Variants in LDB2 observed in about 807,000 individuals in gnomAD.
The protein encoded by LDB2 is LIM domain binding 2, also known as LIM domain-binding protein 2.
LDB2 carries 12 observed loss-of-function variants against 44.3 expected under a neutral mutation model. That is an observed-to-expected ratio of 0.27 (90% CI 0.17 to 0.44). LDB2 has a LOEUF of 0.44. Among genes scored for constraint, LDB2 ranks in the 20% least tolerant of loss-of-function variants. The pLI is 1.00. For synonymous variants in LDB2, 164 were observed against 174.8 expected, an observed-to-expected ratio of 0.94 and a Z score of 0.49; for missense variants, 344 against 473.5, an observed-to-expected ratio of 0.73 and a Z score of 2.54.
intron 1 of LDB2, among the ~76,000 whole-genome samples, chr4:16,793,106 T>C (rs1353249601): frequency 6.6e-6 from 1 of 152,212 alleles, no homozygotes; most frequent in Non-Finnish European, 1.5e-5. Context: ...ACGTTTGATT[T>C]TCCAAATCAG....
intron 2 of LDB2, among the ~76,000 whole-genome samples, chr4:16,628,964 G>A (rs1264395130): frequency 6.6e-6 from 1 of 152,220 alleles, no homozygotes; most frequent in Non-Finnish European, 1.5e-5. Context: ...CCTGTGCCTG[G>A]CTCAGTGGGT....
chr4:16,800,966 C>T (rs576408691), intron 1 of LDB2, among the ~76,000 whole-genome samples: 3 of 152,238 alleles, frequency 2.0e-5, no homozygotes, highest in Non-Finnish European at 2.9e-5. Context: ...TGAGCCACCG[C>T]GCCCGGCCGG....
chr4:16,677,681 A>T (rs1746673453), intron 2 of LDB2, among the ~76,000 whole-genome samples: 1 of 152,220 alleles, frequency 6.6e-6, no homozygotes, highest in African/African-American at 2.4e-5. Context: ...GTTCCATGTA[A>T]TTAAGGCACT....
intron 2 of LDB2, among the ~76,000 whole-genome samples, chr4:16,662,792 GGCCTCCCAA>G (rs1430140878): frequency 1.3e-5 from 2 of 151,570 alleles, no homozygotes; most frequent in Non-Finnish European, 2.9e-5. Context: ...ATGATTGTGA[GGCCTCCCAA>G]GCCATGTGGA....
intron 1 of LDB2, among the ~76,000 whole-genome samples, chr4:16,827,037 A>G (rs1458796985): frequency 1.3e-5 from 2 of 152,190 alleles, no homozygotes; most frequent in Non-Finnish European, 2.9e-5. Flanking sequence ...CTGAAGTCTG[A>G]AGAAAGTGCA....
intron 2 of LDB2, among the ~76,000 whole-genome samples, chr4:16,727,972 C>A (rs1203474288): frequency 6.6e-6 from 1 of 152,140 alleles, no homozygotes; most frequent in African/African-American, 2.4e-5. Flanking sequence ...ATGGGAGCAG[C>A]CATTTAAAAA....
Position 16,691,023 on chromosome 4 carries a change from C to T in LDB2, c.235+68135G>A, listed in dbSNP as rs572978853. On this transcript the variant is annotated intron_variant, in intron 2 of 7. Transcript: ENST00000304523. ...TATTAATCATCTATTATAGTCCAGGCAATTTATGTTCTTTAATGATATCTA... is the reference window on the plus strand; with the variant it reads ...TATTAATCATCTATTATAGTCCAGGTAATTTATGTTCTTTAATGATATCTA... Among the ~76,000 whole-genome samples, 4 of 152,178 alleles carry T rather than the reference C, an allele frequency of 2.6e-5. No individual in the cohort carries two copies. The East Asian group carries it at 7.7e-4, about 29-fold the overall frequency.
intron 1 of LDB2, among the ~76,000 whole-genome samples, chr4:16,865,988 C>T (rs1204835664): frequency 6.6e-6 from 1 of 152,222 alleles, no homozygotes; most frequent in East Asian, 1.9e-4. Context: ...CAGCTACCCC[C>T]ATTCAGGCAC....
chr4:16,595,158 C>G (rs1005186112), intron 3 of LDB2, among the ~76,000 whole-genome samples: 2 of 152,100 alleles, frequency 1.3e-5, no homozygotes, highest in African/African-American at 2.4e-5. Context: ...GATCCTGACA[C>G]TTGCCCTCCC....
chr4:16,693,566 A>C (rs1751375157), intron 2 of LDB2, among the ~76,000 whole-genome samples: 1 of 152,126 alleles, frequency 6.6e-6, no homozygotes, highest in South Asian at 2.1e-4. Flanking sequence ...ATGTTGGGCC[A>C]GGCTGGTCTT....
intron 1 of LDB2, among the ~76,000 whole-genome samples, chr4:16,774,532 A>T (rs1771472213): frequency 6.6e-6 from 1 of 152,054 alleles, no homozygotes; most frequent in Non-Finnish European, 1.5e-5. Context: ...GCACTTACTG[A>T]TTGTGTAATT....
chr4:16,771,257 T>C (rs566906046), intron 1 of LDB2, among the ~76,000 whole-genome samples: 1 of 152,010 alleles, frequency 6.6e-6, no homozygotes, highest in African/African-American at 2.4e-5. Flanking sequence ...GAAAAAAAAA[T>C]TTTTGTTCAC....
At chr4:16,658,928 C>T (rs1485260258) in intron 2 of LDB2, among the ~76,000 whole-genome samples, 4 of 152,162 alleles carry the variant, frequency 2.6e-5, no homozygotes, top group East Asian at 1.9e-4. Context: ...GATCTTTTTA[C>T]TATATTGTGC....
At chr4:16,759,670 T>G (rs1767467648) in intron 1 of LDB2, among the ~76,000 whole-genome samples, 2 of 152,194 alleles carry the variant, frequency 1.3e-5, no homozygotes, top group African/African-American at 4.8e-5. Context: ...ACAACCAGGT[T>G]AAACATAATT....
In LDB2 at chr4:16,898,577, G is replaced by C. The variant is rs1260844823; in HGVS notation, c.-92C>G. 7.7e-7 allele frequency: 1 copy of C among 1,306,310 alleles called. No individual in the cohort carries two copies. The highest frequency in any genetic ancestry group is 1.5e-5 in the African/African-American group (1 of 68,470). 80.9% of individuals were successfully genotyped at this position (1,306,310 alleles called of 1,614,324 possible). A position where few individuals can be genotyped will look rare whatever the true frequency, so the allele number is the denominator to read the frequency against. ...GTGTTCTTCCCAGTACAAAGTAGAC[G>C]CACGCACACACGCTCACACACACAC... On this transcript the variant is annotated 5_prime_UTR_variant, in exon 1 of 8. Coordinates refer to ENST00000304523, the MANE Select transcript of LDB2 (RefSeq NM_001290.5).
chr4:16,886,059 T>C (rs1561540211), intron 1 of LDB2, among the ~76,000 whole-genome samples: 1 of 152,024 alleles, frequency 6.6e-6, no homozygotes, highest in Non-Finnish European at 1.5e-5. Flanking sequence ...CTACAATTTT[T>C]TTTTTTTAAA....
chr4:16,625,540 G>T (rs948448193), intron 2 of LDB2, among the ~76,000 whole-genome samples: 1 of 152,104 alleles, frequency 6.6e-6, no homozygotes, highest in African/African-American at 2.4e-5. Context: ...CATATTTGGT[G>T]AATAAATGAG....
At chr4:16,807,464 A>G (rs145403596) in intron 1 of LDB2, among the ~76,000 whole-genome samples, 17 of 152,308 alleles carry the variant, frequency 1.1e-4, no homozygotes, top group Admixed American at 1.3e-4. Flanking sequence ...GCTGTGAAGC[A>G]TGTTTTCACT....
chr4:16,862,493 C>T (rs993664883), intron 1 of LDB2, among the ~76,000 whole-genome samples: 2 of 151,586 alleles, frequency 1.3e-5, no homozygotes, highest in East Asian at 1.9e-4. Flanking sequence ...ATTAGCTAGG[C>T]GTGATAGTGG....
Sources: allele counts gnomAD v4.1 joint callset (sites outside exome capture counted in the v4.1 genomes callset), GRCh38; gene constraint gnomAD v4.1.1; transcripts MANE v1.5; gene names NCBI Gene and HGNC (gene_info 2026-07-23, HGNC 2026-07-21).